The following TRIP4 variants were observed in gnomAD, a reference collection of about 807,000 sequenced individuals.
TRIP4 encodes thyroid hormone receptor interactor 4.
Under a neutral mutation model 81.8 loss-of-function variants are expected in TRIP4, and 54 were observed. The ratio of observed to expected loss-of-function variants is 0.66; its 90% confidence interval spans 0.53 to 0.83. The LOEUF is 0.83. Among genes scored for constraint, TRIP4 ranks in the 40% least tolerant of loss-of-function variants. TRIP4 has a pLI of 0.00. For missense variants in TRIP4, 662 were observed against 683.6 expected (o/e 0.97, Z 0.35); for synonymous variants, 270 against 242.8 (o/e 1.11, Z -1.04).
intron 9 of TRIP4, among the ~76,000 whole-genome samples, chr15:64,421,537 T>C (rs189241699): frequency 2.5e-4 from 38 of 151,814 alleles, no homozygotes; most frequent in African/African-American, 9.2e-4. Flanking sequence ...GGTTTTGCCC[T>C]GTTGGCCAGG....
chr15:64,425,616 G>A lies in TRIP4; in HGVS notation c.1560G>A (p.Lys520=), dbSNP rs1271354124. The change falls in exon 11 of 13, where the codon AAG becomes AAA. Residue 520 remains lysine, a synonymous_variant. Coordinates refer to ENST00000261884, the MANE Select transcript of TRIP4 (RefSeq NM_016213.5). ...CVDLIDCLSQ[K]QFKEQFPDIS... ...ACCTAATTGACTGCTTGTCCCAGAA[G>A]CAATTTAAGGAGCAGGTGAGTAAAG... The A allele has an allele frequency of 9.9e-6, 16 of 1,610,996 alleles. No homozygotes were observed. Among genetic ancestry groups the A allele is most frequent in the Admixed American group, 3.4e-5 (2 of 59,650 alleles).
chr15:64,404,786 A>T (rs1043417422), intron 5 of TRIP4, among the ~76,000 whole-genome samples: 2 of 152,004 alleles, frequency 1.3e-5, no homozygotes, highest in Admixed American at 1.3e-4. Context: ...ATTTTACTGC[A>T]GCAATTCTCC....
chr15:64,409,788 A>G lies in TRIP4; in HGVS notation c.1003A>G (p.Ile335Val). ...CACCATTGACTTTGCAGGAAGGAAGATCCTGGAAGAAGAAAATTCACTAGC... is the reference window on the plus strand; with the variant it reads ...CACCATTGACTTTGCAGGAAGGAAGGTCCTGGAAGAAGAAAATTCACTAGC... ...KVTIDFAGRK[I>V]LEEENSLAEY... The change falls in exon 7 of 13, where the codon ATC becomes GTC. Residue 335 changes from isoleucine (I) to valine (V), a missense_variant. Ile to Val is a conservative substitution (Grantham distance 29, BLOSUM62 3). Transcript: ENST00000261884. The G allele has an allele frequency of 6.2e-7, 1 of 1,614,186 alleles. No homozygotes were observed. Among genetic ancestry groups the G allele is most frequent in the East Asian group, 2.2e-5 (1 of 44,880 alleles).
At chr15:64,401,859 A>G (rs933268961) in intron 5 of TRIP4, among the ~76,000 whole-genome samples, 2 of 152,198 alleles carry the variant, frequency 1.3e-5, no homozygotes, top group Admixed American at 6.5e-5. Flanking sequence ...TACTGAAATT[A>G]TTGGTTGAAA....
intron 6 of TRIP4, among the ~76,000 whole-genome samples, chr15:64,408,319 C>T (rs867521479): frequency 2.1e-5 from 3 of 140,054 alleles, no homozygotes; most frequent in African/African-American, 8.4e-5. Flanking sequence ...AGTGCAGTGG[C>T]GCCATCTCGG....
chr15:64,444,974 T>C (rs753458304), intron 11 of TRIP4, 32 bp from the exon 12 acceptor site: 2 of 1,221,610 alleles, frequency 1.6e-6, no homozygotes, highest in African/African-American at 3.0e-5. Context: ...TTGTCCCAAC[T>C]ATCCTGAACT....
rs183101405 is a variant in TRIP4 at position 64,426,538 on chromosome 15, A to G, written c.1575+907A>G. On this transcript the variant is annotated intron_variant, in intron 11 of 12. Coordinates refer to ENST00000261884, the MANE Select transcript of TRIP4 (RefSeq NM_016213.5). ...AACATGGTGAAACCCCGCTTCTACT[A>G]AAAATACAAAAATTAGCCTGGTATG... Among the ~76,000 whole-genome samples, 24 of 152,106 alleles carry G rather than the reference A, an allele frequency of 1.6e-4. 1 individual carries two copies. In the East Asian group the frequency reaches 4.6e-3, roughly 29 times the overall value.
At position 64,453,731 on chromosome 15, in the gene TRIP4, A is replaced by AAG. The variant is rs148078428; in HGVS notation, c.1679-1254_1679-1253dup. On this transcript the variant is annotated intron_variant, in intron 12 of 12. Transcript: ENST00000261884. ...TAGAAGCAGGTGTAGCCTAAAAGAA[A>AAG]AGAGAGAGAGAGATAAACAGACAAA... Among the ~76,000 whole-genome samples the AAG allele has an allele frequency of 3.5e-3, 527 of 152,276 alleles. 1 individual carries two copies. Among genetic ancestry groups the AAG allele is most frequent in the Non-Finnish European group, 5.4e-3 (366 of 67,996 alleles).
At chr15:64,444,920 G>C in intron 11 of TRIP4, 86 bp from the exon 12 acceptor site, 1 of 697,822 alleles carries the variant, frequency 1.4e-6, no homozygotes. Context: ...TCAGAATGTT[G>C]AGGTGAAATC....
chr15:64,387,867 G>C lies in TRIP4; in HGVS notation c.4G>C (p.Ala2Pro). The C allele has an allele frequency of 1.3e-6, 2 of 1,545,816 alleles. No homozygotes were observed. The highest frequency in any genetic ancestry group is 1.7e-6 in the Non-Finnish European group (2 of 1,146,684). MAVAGAVSGEPL... is the reference protein window; with the variant it reads MPVAGAVSGEPL... Reference sequence around the variant, plus strand: ...CAGCTGGTTCCGGCTGGGGAAGATGGCGGTGGCTGGGGCGGTGTCCGGGGA... The same window carrying C: ...CAGCTGGTTCCGGCTGGGGAAGATGCCGGTGGCTGGGGCGGTGTCCGGGGA... The change falls in exon 1 of 13, where the codon GCG becomes CCG. Residue 2 changes from alanine (A) to proline (P), a missense_variant. Physicochemically the swap from Ala to Pro is conservative, Grantham distance 27 (BLOSUM62 -1). Transcript: ENST00000261884.
intron 12 of TRIP4, among the ~76,000 whole-genome samples, chr15:64,453,839 TCA>T (rs1449507557): frequency 1.3e-5 from 2 of 152,230 alleles, no homozygotes; most frequent in Non-Finnish European, 2.9e-5. Flanking sequence ...CTAATTTTTC[TCA>T]CAGTCTTACT....
intron 12 of TRIP4, among the ~76,000 whole-genome samples, chr15:64,454,485 C>T (rs1209520656): frequency 6.6e-6 from 1 of 152,104 alleles, no homozygotes; most frequent in African/African-American, 2.4e-5. Context: ...GTGATAGGGG[C>T]CCTTTGTCAG....
chr15:64,429,708 G>A (rs2140303820), intron 11 of TRIP4, among the ~76,000 whole-genome samples: 1 of 152,284 alleles, frequency 6.6e-6, no homozygotes, highest in East Asian at 1.9e-4. Context: ...AAGTATGCTT[G>A]ATTTTTCTGT....
intron 11 of TRIP4, among the ~76,000 whole-genome samples, chr15:64,431,691 G>A (rs1223258098): frequency 5.3e-5 from 8 of 150,596 alleles, no homozygotes; most frequent in South Asian, 2.1e-4. Context: ...GGGCAACAGC[G>A]TGAGACTCCA....
Position 64,425,806 on chromosome 15 carries a change from GGC to G in TRIP4, c.1575+178_1575+179del, listed in dbSNP as rs1276976091. On this transcript the variant is annotated intron_variant, in intron 11 of 12. Transcript: ENST00000261884. Reference sequence around the variant, plus strand: ...TGTATAAAAAGCTGTTTCCAGGCCGGGCGCTGGTGGCTCAGGCCTGTAATCCC... The same window carrying G: ...TGTATAAAAAGCTGTTTCCAGGCCGGGCTGGTGGCTCAGGCCTGTAATCCC... 7.2e-5 allele frequency among the ~76,000 whole-genome samples: 11 copies of G among 152,280 alleles called. No homozygotes were observed. The East Asian group carries it at 2.1e-3, about 29-fold the overall frequency.
At chr15:64,423,392 G>A (rs1892061475) in intron 9 of TRIP4, among the ~76,000 whole-genome samples, 1 of 149,794 alleles carries the variant, frequency 6.7e-6, no homozygotes, top group Non-Finnish European at 1.5e-5. Flanking sequence ...GAACCCAGGA[G>A]GCGGAGGTTG....
chr15:64,408,345 G>A (rs1891680040), intron 6 of TRIP4, among the ~76,000 whole-genome samples: 1 of 130,376 alleles, frequency 7.7e-6, no homozygotes, highest in Non-Finnish European at 1.6e-5. Flanking sequence ...TGCAAGCTCC[G>A]CCCCCTGGAC....
intron 9 of TRIP4, among the ~76,000 whole-genome samples, chr15:64,420,899 C>T (rs564389358): frequency 2.6e-5 from 4 of 151,922 alleles, no homozygotes; most frequent in Non-Finnish European, 4.4e-5. Flanking sequence ...AGTAAAAATA[C>T]CTTATATTTA....
In TRIP4 at chr15:64,445,075, G is replaced by T; in HGVS notation, c.1645G>T (p.Val549Leu). The T allele has an allele frequency of 6.2e-7, 1 of 1,606,330 alleles. No homozygotes were observed. The highest frequency in any genetic ancestry group is 8.5e-7 in the Non-Finnish European group (1 of 1,175,220). Reference sequence around the variant, plus strand: ...CTGCAAAAATCCTCAGGAAATGGTTGTGAAGTTTCCTATTAAAGGAAATCC... The same window carrying T: ...CTGCAAAAATCCTCAGGAAATGGTTTTGAAGTTTCCTATTAAAGGAAATCC... ...FICKNPQEMVVKFPIKGNPKI... is the reference protein window; with the variant it reads ...FICKNPQEMVLKFPIKGNPKI... The change falls in exon 12 of 13, where the codon GTG becomes TTG. Residue 549 changes from valine to leucine, a missense_variant. Physicochemically the swap from Val to Leu is conservative, Grantham distance 32. Transcript: ENST00000261884.
Sources: allele counts gnomAD v4.1 joint callset (sites outside exome capture counted in the v4.1 genomes callset), GRCh38; gene constraint gnomAD v4.1.1; transcripts MANE v1.5; gene names NCBI Gene and HGNC (gene_info 2026-07-23, HGNC 2026-07-21).